CSMD3: variants seen among roughly 807,000 people sequenced by gnomAD.
CSMD3 encodes the protein CUB and Sushi multiple domains 3, also known as CUB and sushi domain-containing protein 3.
A neutral mutation model predicts 435.2 loss-of-function variants in CSMD3; 177 were observed. That is an observed-to-expected ratio of 0.41 (90% CI 0.36 to 0.46). CSMD3 has a LOEUF of 0.46. CSMD3 is among the 20% of genes least tolerant of loss of function. The pLI, the probability that CSMD3 is intolerant of heterozygous loss-of-function variation, is 0.34. For missense variants in CSMD3, 4,265 were observed against 4,504.6 expected (o/e 0.95, Z 1.52); for synonymous variants, 1,656 against 1,520.5 (o/e 1.09, Z -2.07).
At chr8:112,556,529 G>T (rs1197471886) in intron 25 of CSMD3, among the ~76,000 whole-genome samples, 1 of 151,852 alleles carries the variant, frequency 6.6e-6, no homozygotes, top group Non-Finnish European at 1.5e-5. Flanking sequence ...ACTTCAAAGA[G>T]ACCATATTGT....
intron 45 of CSMD3, among the ~76,000 whole-genome samples, chr8:112,325,858 G>GATAATAGTAAT (rs1172601598): frequency 2.0e-5 from 3 of 151,914 alleles, no homozygotes; most frequent in Admixed American, 2.0e-4. Context: ...AAATAATAAT[G>GATAATAGTAAT]ATAATAGTAA....
At chr8:112,544,045 A>G (rs1490287466) in intron 27 of CSMD3, among the ~76,000 whole-genome samples, 1 of 152,254 alleles carries the variant, frequency 6.6e-6, no homozygotes, top group African/African-American at 2.4e-5. Flanking sequence ...AGAGCCTGAA[A>G]TGGTTTTTTC....
intron 4 of CSMD3, among the ~76,000 whole-genome samples, chr8:113,107,914 C>A (rs1588086700): frequency 6.6e-6 from 1 of 152,014 alleles, no homozygotes; most frequent in East Asian, 1.9e-4. Context: ...GTAGGGACTC[C>A]AAGTGAATTT....
At chr8:112,436,752 G>T (rs1814400875) in intron 32 of CSMD3, among the ~76,000 whole-genome samples, 1 of 151,882 alleles carries the variant, frequency 6.6e-6, no homozygotes, top group Non-Finnish European at 1.5e-5. Context: ...AGTAGTAATT[G>T]TTTATTTCTA....
chr8:113,339,626 C>T (rs938601737), intron 1 of CSMD3, among the ~76,000 whole-genome samples: 1 of 151,852 alleles, frequency 6.6e-6, no homozygotes, highest in Non-Finnish European at 1.5e-5. Context: ...TGAATGTATG[C>T]CAATTGGGTC....
In CSMD3 at chr8:112,288,269, T is replaced by A. The variant is rs570081552; in HGVS notation, c.9149-1023A>T. ...CCTAATTTCCTAATACATTGTGGGG[T>A]GGGGGCGGGGGGTGAGTCTGTGTGT... On this transcript the variant is annotated intron_variant, in intron 57 of 70. Coordinates refer to ENST00000297405, the MANE Select transcript of CSMD3 (RefSeq NM_198123.2). 4.7e-4 allele frequency among the ~76,000 whole-genome samples: 6 copies of A among 12,830 alleles called. No individual in the cohort carries two copies. In the South Asian group the frequency reaches 0.012, roughly 25 times the overall value. 8.4% of individuals were successfully genotyped at this position (12,830 alleles called of 152,430 possible).
chr8:112,650,332 A>G lies in CSMD3; in HGVS notation c.3022T>C (p.Tyr1008His). Reference sequence around the variant, plus strand: ...GGTATGCCAGGGTCCAAACAAGAATACGTGTTCACTGTAACACCTGGAAAA... The same window carrying G: ...GGTATGCCAGGGTCCAAACAAGAATGCGTGTTCACTGTAACACCTGGAAAA... ...IHYESVTVNTYSCLDPGIPVH... is the reference protein window; with the variant it reads ...IHYESVTVNTHSCLDPGIPVH... The change falls in exon 19 of 71, where the codon TAT (tyrosine) becomes CAT (histidine). Residue 1008 changes from tyrosine to histidine, a missense_variant. Coordinates refer to ENST00000297405, the MANE Select transcript of CSMD3 (RefSeq NM_198123.2). The G allele has an allele frequency of 6.2e-7, 1 of 1,613,718 alleles. No homozygotes were observed. Among genetic ancestry groups the G allele is most frequent in the South Asian group, 1.1e-5 (1 of 91,066 alleles).
chr8:113,405,458 T>C (rs1020666249), intron 1 of CSMD3, among the ~76,000 whole-genome samples: 1 of 151,682 alleles, frequency 6.6e-6, no homozygotes, highest in Non-Finnish European at 1.5e-5. Context: ...TATGTCATTT[T>C]CATTCATTGT....
chr8:113,305,763 T>G (rs529082631), intron 2 of CSMD3, among the ~76,000 whole-genome samples: 1 of 152,368 alleles, frequency 6.6e-6, no homozygotes, highest in East Asian at 1.9e-4. Flanking sequence ...ATCATTAATT[T>G]GAATGCTCCA....
chr8:112,757,874 C>T (rs890611409), intron 13 of CSMD3, among the ~76,000 whole-genome samples: 3 of 151,580 alleles, frequency 2.0e-5, no homozygotes, highest in African/African-American at 4.9e-5. Context: ...GGCAACATGA[C>T]GAGACCCCAT....
chr8:113,235,874 G>C (rs1327558250), intron 3 of CSMD3, among the ~76,000 whole-genome samples: 1 of 144,482 alleles, frequency 6.9e-6, no homozygotes, highest in Non-Finnish European at 1.5e-5. Flanking sequence ...CTACAGGAAG[G>C]ATACCGGCAG....
intron 13 of CSMD3, among the ~76,000 whole-genome samples, chr8:112,698,132 G>A (rs983053521): frequency 6.6e-6 from 1 of 151,952 alleles, no homozygotes; most frequent in Admixed American, 6.6e-5. Flanking sequence ...GGTAAGGTTG[G>A]GAGGTTAAGT....
intron 5 of CSMD3, among the ~76,000 whole-genome samples, chr8:113,059,417 C>T (rs1475141926): frequency 1.3e-5 from 2 of 152,028 alleles, no homozygotes; most frequent in Admixed American, 1.3e-4. Flanking sequence ...ATCTTACTTC[C>T]CTAGTTTACA....
chr8:113,337,815 G>C (rs2094088321), intron 1 of CSMD3, among the ~76,000 whole-genome samples: 2 of 150,706 alleles, frequency 1.3e-5, no homozygotes, highest in Admixed American at 6.6e-5. Flanking sequence ...TTATATTCTT[G>C]AAATTTACTA....
intron 4 of CSMD3, among the ~76,000 whole-genome samples, chr8:113,165,086 G>C (rs1353360421): frequency 6.6e-6 from 1 of 152,194 alleles, no homozygotes; most frequent in Non-Finnish European, 1.5e-5. Context: ...TGCTTTTCAA[G>C]GTTCTTATCA....
chr8:113,196,627 A>G (rs182445540), intron 3 of CSMD3, among the ~76,000 whole-genome samples: 19 of 151,404 alleles, frequency 1.3e-4, no homozygotes, highest in Admixed American at 7.3e-4. Flanking sequence ...ATTGGAACAG[A>G]GAGCAGGAGA....
At chr8:112,847,401 TC>T (rs1369426152) in intron 11 of CSMD3, among the ~76,000 whole-genome samples, 1 of 152,120 alleles carries the variant, frequency 6.6e-6, no homozygotes, top group African/African-American at 2.4e-5. Context: ...GAGCACAGCT[TC>T]TTTGCCTTGA....
chr8:113,314,396 C>T (rs962494370), intron 2 of CSMD3, 175 bp downstream of exon 2: 2 of 606,608 alleles, frequency 3.3e-6, no homozygotes, highest in Admixed American at 2.7e-5. Context: ...AATATGACAT[C>T]AGAGACACCA....
intron 1 of CSMD3, among the ~76,000 whole-genome samples, chr8:113,427,064 T>C (rs1170193814): frequency 6.6e-6 from 1 of 151,378 alleles, no homozygotes; most frequent in Non-Finnish European, 1.5e-5. Flanking sequence ...CAGGTTAAAA[T>C]AAAATTTCTG....
Sources: allele counts gnomAD v4.1 joint callset (sites outside exome capture counted in the v4.1 genomes callset), GRCh38; gene constraint gnomAD v4.1.1; transcripts MANE v1.5; gene names NCBI Gene and HGNC (gene_info 2026-07-23, HGNC 2026-07-21).